The following ADORA2B variants were observed in gnomAD, a reference collection of about 807,000 sequenced individuals.
ADORA2B encodes the protein adenosine A2b receptor.
ADORA2B carries 18 observed loss-of-function variants against 20.8 expected under a neutral mutation model. The ratio of observed to expected loss-of-function variants is 0.87; its 90% CI spans 0.60 to 1.29. The LOEUF (loss-of-function observed/expected upper bound fraction) is 1.29, where lower values mean the gene tolerates loss of function less well. ADORA2B is among the 50% of genes most tolerant of loss of function. The probability of loss-of-function intolerance (pLI) is 0.00; values close to 1 mark genes in which losing one functional copy is unlikely to be tolerated. For missense variants in ADORA2B, 441 were observed against 422.7 expected, an observed-to-expected ratio of 1.04 and a Z score of -0.38; for synonymous variants, 179 against 178.3, an observed-to-expected ratio of 1.00 and a Z score of -0.03.
chr17:15,944,425 C>T (rs2151589697), upstream of ADORA2B, among the ~76,000 whole-genome samples: 1 of 152,150 alleles, frequency 6.6e-6, no homozygotes, highest in African/African-American at 2.4e-5. The surrounding 1 kb of genome is among the most constrained non-coding windows in gnomAD (Gnocchi z 4.8). Flanking sequence ...AAAGAGGGCC[C>T]GGGGAACACT....
At chr17:15,950,973 CT>C (rs1326476551) in intron 1 of ADORA2B, among the ~76,000 whole-genome samples, 2 of 152,250 alleles carry the variant, frequency 1.3e-5, no homozygotes, top group African/African-American at 4.8e-5. Context: ...GGGCAGGGGC[CT>C]TACACCCCAG....
At chr17:15,944,112 AAGGCTC>A (rs1969768072), upstream of ADORA2B, among the ~76,000 whole-genome samples, 1 of 152,184 alleles carries the variant, frequency 6.6e-6, no homozygotes, top group Non-Finnish European at 1.5e-5. The surrounding 1 kb of genome is among the most constrained non-coding windows in gnomAD (Gnocchi z 4.8). Flanking sequence ...GAGAAAGGCG[AAGGCTC>A]AGGGTGTCAG....
the ADORA2B span, among the ~76,000 whole-genome samples, chr17:15,915,278 G>A: frequency 9.9e-5 from 15 of 152,284 alleles, no homozygotes; most frequent in Non-Finnish European, 1.9e-4. Flanking sequence ...TGCTGCGAAA[G>A]GCGCTCTGAT....
chr17:15,867,162 T>C, the ADORA2B span, among the ~76,000 whole-genome samples: 1 of 152,116 alleles, frequency 6.6e-6, no homozygotes, highest in African/African-American at 2.4e-5. Flanking sequence ...CTGCCTGCCT[T>C]GGCCCCCCAA....
chr17:15,856,261 G>A, the ADORA2B span, among the ~76,000 whole-genome samples: 6 of 151,278 alleles, frequency 4.0e-5, no homozygotes, highest in African/African-American at 7.3e-5. Flanking sequence ...CTCTGTCCCC[G>A]CCTTCCCCCA....
the ADORA2B span, among the ~76,000 whole-genome samples, chr17:15,915,257 T>G: frequency 6.6e-6 from 1 of 152,216 alleles, no homozygotes; most frequent in Non-Finnish European, 1.5e-5. Flanking sequence ...ACATCTCCCC[T>G]GGTTCTCTGC....
At chr17:15,937,414 A>C in the ADORA2B span, among the ~76,000 whole-genome samples, 1 of 152,050 alleles carries the variant, frequency 6.6e-6, no homozygotes, top group African/African-American at 2.4e-5. Context: ...GTACACTTTC[A>C]CCATTGACAA....
the ADORA2B span, among the ~76,000 whole-genome samples, chr17:15,923,403 A>ATT: frequency 6.5e-5 from 8 of 123,106 alleles, no homozygotes; most frequent in African/African-American, 2.8e-4. Context: ...ATATATATAT[A>ATT]TATATTTTTT....
intron 1 of ADORA2B, among the ~76,000 whole-genome samples, chr17:15,949,232 T>C (rs1444664883): frequency 7.5e-6 from 1 of 132,810 alleles, no homozygotes; most frequent in African/African-American, 2.9e-5. Context: ...TGAGCTATAG[T>C]CCAGGCACAG....
At chr17:15,865,262 T>TTTG in the ADORA2B span, among the ~76,000 whole-genome samples, 48 of 152,228 alleles carry the variant, frequency 3.2e-4, no homozygotes, top group Non-Finnish European at 6.8e-4. Context: ...TAGTGTTTTT[T>TTTG]TTGTTGTTGT....
At chr17:15,853,100 C>T in the ADORA2B span, among the ~76,000 whole-genome samples, 3 of 152,032 alleles carry the variant, frequency 2.0e-5, no homozygotes, top group Non-Finnish European at 2.9e-5. Context: ...GAGAAAGCAT[C>T]GTAAAAGCAC....
At chr17:15,926,260 C>G in the ADORA2B span, among the ~76,000 whole-genome samples, 1 of 151,870 alleles carries the variant, frequency 6.6e-6, no homozygotes, top group South Asian at 2.1e-4. Flanking sequence ...GGGGTTGTGC[C>G]CTTTTGGAGC....
chr17:15,890,656 A>C, the ADORA2B span, among the ~76,000 whole-genome samples: 1 of 152,148 alleles, frequency 6.6e-6, no homozygotes, highest in Non-Finnish European at 1.5e-5. Flanking sequence ...CCCTGAGAGA[A>C]GGGAAACTCC....
At chr17:15,938,397 A>T in the ADORA2B span, among the ~76,000 whole-genome samples, 1 of 151,992 alleles carries the variant, frequency 6.6e-6, no homozygotes, top group East Asian at 1.9e-4. Context: ...CTGCCTCTCG[A>T]GTTCAAGTGA....
At chr17:15,955,537 G>A (rs1213630242) in intron 1 of ADORA2B, among the ~76,000 whole-genome samples, 1 of 151,548 alleles carries the variant, frequency 6.6e-6, no homozygotes, top group Non-Finnish European at 1.5e-5. Context: ...CTCCCGAGTA[G>A]CTGGGACTAC....
the ADORA2B span, among the ~76,000 whole-genome samples, chr17:15,888,449 A>G: frequency 7.8e-6 from 1 of 127,888 alleles, no homozygotes; most frequent in Non-Finnish European, 1.6e-5. Flanking sequence ...AGGCAGTTCA[A>G]GCTTCTTAGG....
chr17:15,967,155 A>G (rs936829478), intron 1 of ADORA2B, among the ~76,000 whole-genome samples: 1 of 151,658 alleles, frequency 6.6e-6, no homozygotes, highest in African/African-American at 2.4e-5. Flanking sequence ...TGGTTACCAG[A>G]GCCCTCCTGA....
In ADORA2B at chr17:15,974,877, C is replaced by T. The variant is rs751543806; in HGVS notation, c.534C>T (p.Pro178=). 6 of 1,614,158 alleles carry T rather than the reference C, an allele frequency of 3.7e-6. No individual in the cohort carries two copies. Among genetic ancestry groups the T allele is most frequent in the Non-Finnish European group, 5.1e-6 (6 of 1,180,040 alleles). The change falls in exon 2 of 2, where the codon CCC becomes CCT. Residue 178 remains proline, a synonymous_variant. Transcript: ENST00000304222. ...LVKCLFENVV[P]MSYMVYFNFF... ...AGTGTCTCTTTGAGAATGTGGTCCC[C>T]ATGAGCTACATGGTATATTTCAATT...
At chr17:15,852,063 G>T in the ADORA2B span, among the ~76,000 whole-genome samples, 913 of 152,238 alleles carry the variant, frequency 6.0e-3, 13 homozygotes, top group African/African-American at 0.02. Context: ...TACATACTTT[G>T]CCTGTATTTA....
Sources: allele counts gnomAD v4.1 joint callset (sites outside exome capture counted in the v4.1 genomes callset), GRCh38; gene constraint gnomAD v4.1.1; non-coding constraint Gnocchi (gnomAD v3.1); transcripts MANE v1.5; gene names NCBI Gene and HGNC (gene_info 2026-07-23, HGNC 2026-07-21).